Variants in ADGB observed in about 807,000 individuals in gnomAD.
The protein encoded by ADGB is calpain-7-like protein.
ADGB carries 172 observed loss-of-function variants against 210.5 expected under a neutral mutation model. The observed-to-expected ratio is 0.82, with a 90% CI of 0.72 to 0.93. The LOEUF is 0.93. Ranked by LOEUF, ADGB falls within the 40% of genes least tolerant of loss-of-function variation. ADGB has a pLI of 0.00. For synonymous variants in ADGB, 658 were observed against 662.7 expected (o/e 0.99, Z 0.11); for missense variants, 2,025 against 1,964.8 (o/e 1.03, Z -0.58).
intron 13 of ADGB, among the ~76,000 whole-genome samples, chr6:146,703,895 T>G (rs1346773084): frequency 3.3e-5 from 5 of 151,900 alleles, no homozygotes; most frequent in African/African-American, 1.2e-4. Flanking sequence ...CCATACTGTT[T>G]TCTACAGTGG....
At chr6:146,729,484 G>A (rs1562285358) in intron 20 of ADGB, among the ~76,000 whole-genome samples, 2 of 152,070 alleles carry the variant, frequency 1.3e-5, no homozygotes, top group Non-Finnish European at 2.9e-5. Flanking sequence ...CACCCAGGCT[G>A]GCTTGCAGCA....
chr6:146,805,354 T>C (rs1306491287), intron 35 of ADGB, among the ~76,000 whole-genome samples: 1 of 152,188 alleles, frequency 6.6e-6, no homozygotes, highest in East Asian at 1.9e-4. Flanking sequence ...TGCATTTCTG[T>C]TGTCTAAACC....
At chr6:146,811,484 T>C (rs1446359887) in intron 35 of ADGB, among the ~76,000 whole-genome samples, 1 of 152,056 alleles carries the variant, frequency 6.6e-6, no homozygotes, top group African/African-American at 2.4e-5. Context: ...TGTGTGTAAA[T>C]ATATTCAGGA....
chr6:146,696,775 T>C (rs1776410280), intron 12 of ADGB, among the ~76,000 whole-genome samples: 1 of 152,168 alleles, frequency 6.6e-6, no homozygotes, highest in African/African-American at 2.4e-5. Context: ...AAGGTGGTGA[T>C]AAGAAACTGG....
chr6:146,620,453 G>A (rs1221126400), intron 1 of ADGB, among the ~76,000 whole-genome samples: 2 of 151,760 alleles, frequency 1.3e-5, no homozygotes, highest in African/African-American at 4.8e-5. Flanking sequence ...AATTCTTGTA[G>A]GTTTTCTTCA....
chr6:146,672,093 A>G, intron 7 of ADGB, 127 bp from the exon 8 acceptor site: 1 of 1,254,614 alleles, frequency 8.0e-7, no homozygotes, highest in Admixed American at 3.0e-5. Context: ...TTTTAACTAA[A>G]AATTTGAGTA....
rs1263038689 is a variant in ADGB, at chr6:146,758,498, A to G, written c.3551-5403A>G. Among the ~76,000 whole-genome samples the G allele has an allele frequency of 2.0e-5, 3 of 152,154 alleles. No homozygotes were observed. In the East Asian group the frequency reaches 5.8e-4, roughly 29 times the overall value. On this transcript the variant is annotated intron_variant, in intron 27 of 35. Transcript: ENST00000397944. The stretch of plus-strand genomic sequence containing the variant: ...TTAATCATTATTTCATTGAAAATGT[A>G]CCATTTATAAGAGAAGTATACATAA...
intron 13 of ADGB, among the ~76,000 whole-genome samples, chr6:146,704,690 T>C (rs759254138): frequency 1.3e-5 from 2 of 152,112 alleles, no homozygotes; most frequent in Non-Finnish European, 2.9e-5. Context: ...TATAGCTTTG[T>C]AGTGTATTTT....
chr6:146,616,921 T>A (rs1190584261), intron 1 of ADGB, among the ~76,000 whole-genome samples: 1 of 152,142 alleles, frequency 6.6e-6, no homozygotes. Flanking sequence ...TTGCTTTGGT[T>A]ATTCTGTGTT....
chr6:146,659,549 C>T (rs531184343), intron 5 of ADGB, among the ~76,000 whole-genome samples: 16 of 152,312 alleles, frequency 1.1e-4, no homozygotes, highest in Admixed American at 3.9e-4. Context: ...CCTCTCAGAG[C>T]CTCTTGGCAT....
At chr6:146,698,219 T>C (rs1430534603) in intron 12 of ADGB, among the ~76,000 whole-genome samples, 1 of 152,216 alleles carries the variant, frequency 6.6e-6, no homozygotes, top group Admixed American at 6.5e-5. Flanking sequence ...TGTACATTCA[T>C]TGTTTAAGAA....
rs192325972 is a variant in ADGB, at chr6:146,712,014, A to G, written c.1708-3368A>G. ...TGAGGCTGGAGGGAAATAAGATCAC[A>G]CTACTGAACTCCAGCTTGGGCAACA... On this transcript the variant is annotated intron_variant, in intron 13 of 35. Transcript: ENST00000397944. Among the ~76,000 whole-genome samples, 265 of 151,480 alleles carry G rather than the reference A, an allele frequency of 1.7e-3. 1 individual carries two copies. The highest frequency in any genetic ancestry group is 5.6e-4 in the Non-Finnish European group (38 of 67,832).
chr6:146,641,819 C>G (rs528336778), intron 2 of ADGB, among the ~76,000 whole-genome samples: 1 of 151,996 alleles, frequency 6.6e-6, no homozygotes, highest in South Asian at 2.1e-4. Flanking sequence ...ACAACCTAGG[C>G]AATACCATCC....
chr6:146,778,272 G>A (rs1004751164), intron 29 of ADGB, among the ~76,000 whole-genome samples: 1 of 152,118 alleles, frequency 6.6e-6, no homozygotes, highest in African/African-American at 2.4e-5. Context: ...TAGGATGAAG[G>A]GCTGGTACTG....
chr6:146,629,417 T>A (rs1053459090), intron 1 of ADGB, among the ~76,000 whole-genome samples: 28 of 152,174 alleles, frequency 1.8e-4, no homozygotes, highest in African/African-American at 6.8e-4. Context: ...GAGAGTCTTT[T>A]TAAGTAATCT....
intron 33 of ADGB, 90 bp downstream of exon 33, chr6:146,788,700 G>C (rs1266245973): frequency 8.8e-7 from 1 of 1,137,410 alleles, no homozygotes; most frequent in Non-Finnish European, 1.3e-6. Context: ...TGACGGCTAG[G>C]GCTATAGAAG....
intron 9 of ADGB, among the ~76,000 whole-genome samples, chr6:146,679,083 A>T (rs1776123705): frequency 1.3e-5 from 2 of 152,166 alleles, no homozygotes; most frequent in African/African-American, 4.8e-5. Flanking sequence ...TGTATTGTAT[A>T]TCACTTCTGG....
intron 1 of ADGB, among the ~76,000 whole-genome samples, chr6:146,609,724 G>A (rs901156532): frequency 3.3e-5 from 5 of 152,170 alleles, no homozygotes; most frequent in African/African-American, 1.2e-4. Context: ...GGCTGGATAT[G>A]AAATTCTTCG....
At chr6:146,642,502 A>T (rs745364445) in intron 2 of ADGB, among the ~76,000 whole-genome samples, 1 of 152,072 alleles carries the variant, frequency 6.6e-6, no homozygotes, top group Non-Finnish European at 1.5e-5. Context: ...CATCAATGAC[A>T]GAATGAATAA....
Sources: allele counts gnomAD v4.1 joint callset (sites outside exome capture counted in the v4.1 genomes callset), GRCh38; gene constraint gnomAD v4.1.1; transcripts MANE v1.5; gene names NCBI Gene and HGNC (gene_info 2026-07-23, HGNC 2026-07-21).